The following TBCA variants were observed in gnomAD, a reference collection of about 807,000 sequenced individuals.
The protein encoded by TBCA is tubulin-specific chaperone A.
Under a neutral mutation model 15.8 loss-of-function variants are expected in TBCA, and 6 were observed. That is an observed-to-expected ratio of 0.38 (90% CI 0.21 to 0.75). The LOEUF (loss-of-function observed/expected upper bound fraction) is 0.75. Ranked by LOEUF, TBCA falls within the 30% of genes least tolerant of loss-of-function variation. The pLI is 0.46. For missense variants in TBCA, 90 were observed against 131.2 expected (o/e 0.69, Z 1.53); for synonymous variants, 32 against 42.3 (o/e 0.76, Z 0.94).
intron 1 of TBCA, among the ~76,000 whole-genome samples, chr5:77,747,237 C>A (rs1350778938): frequency 6.6e-6 from 1 of 151,944 alleles, no homozygotes; most frequent in Non-Finnish European, 1.5e-5. Context: ...TGGGAAAATT[C>A]TGGTCTTACT....
At chr5:77,731,761 G>A (rs985836653) in intron 1 of TBCA, among the ~76,000 whole-genome samples, 13 of 151,346 alleles carry the variant, frequency 8.6e-5, no homozygotes, top group Admixed American at 5.3e-4. Context: ...CTATATAATC[G>A]CCTATCAATC....
intron 1 of TBCA, among the ~76,000 whole-genome samples, chr5:77,717,086 A>T (rs979650184): frequency 6.6e-6 from 1 of 152,206 alleles, no homozygotes; most frequent in Non-Finnish European, 1.5e-5. Flanking sequence ...ATCATGAGGA[A>T]ATCCTGCCTA....
chr5:77,753,368 C>G (rs1473553925), intron 1 of TBCA, among the ~76,000 whole-genome samples: 1 of 152,232 alleles, frequency 6.6e-6, no homozygotes, highest in Non-Finnish European at 1.5e-5. Flanking sequence ...GTATCACTTT[C>G]TCCTGACACA....
chr5:77,748,703 A>G (rs546261321), intron 1 of TBCA, among the ~76,000 whole-genome samples: 2 of 152,236 alleles, frequency 1.3e-5, no homozygotes, highest in East Asian at 3.9e-4. Context: ...GACCCTCCTA[A>G]TGTTTGAAAA....
intron 3 of TBCA, chr5:77,692,155 T>C: frequency 6.1e-6 from 6 of 984,686 alleles, no homozygotes; most frequent in Non-Finnish European, 6.0e-6. Flanking sequence ...ACAGGAAATT[T>C]TGTTTGATTT....
chr5:77,740,823 G>GT (rs1747014491), intron 1 of TBCA, among the ~76,000 whole-genome samples: 1 of 92,130 alleles, frequency 1.1e-5, no homozygotes, highest in African/African-American at 2.9e-5. Context: ...AAACATTTAA[G>GT]TAAGGGTAAG....
At chr5:77,753,133 A>G (rs550580921) in intron 1 of TBCA, among the ~76,000 whole-genome samples, 2 of 151,238 alleles carry the variant, frequency 1.3e-5, no homozygotes, top group East Asian at 3.9e-4. Context: ...CCAAATTCCC[A>G]GTGGGGGAGA....
At chr5:77,696,969 C>T (rs1028576073) in intron 2 of TBCA, among the ~76,000 whole-genome samples, 2 of 152,114 alleles carry the variant, frequency 1.3e-5, no homozygotes, top group African/African-American at 4.8e-5. Context: ...ATAAAGTAAA[C>T]TTCAAAGCAA....
intron 1 of TBCA, among the ~76,000 whole-genome samples, chr5:77,739,159 A>C (rs1348320748): frequency 6.6e-6 from 1 of 152,170 alleles, no homozygotes; most frequent in African/African-American, 2.4e-5. Context: ...TCTGGGTTGG[A>C]TCAAGAAAGT....
chr5:77,692,749 G>A, intron 3 of TBCA: 1 of 994,844 alleles, frequency 1.0e-6, no homozygotes. Flanking sequence ...GTATCACAAG[G>A]CATTTATACC....
chr5:77,701,834 T>C (rs529684520), intron 2 of TBCA, among the ~76,000 whole-genome samples: 5 of 151,062 alleles, frequency 3.3e-5, no homozygotes, highest in East Asian at 2.0e-4. Flanking sequence ...TATATAGATA[T>C]ATGATGGAAT....
intron 1 of TBCA, among the ~76,000 whole-genome samples, chr5:77,709,140 C>T (rs560818985): frequency 2.0e-5 from 3 of 152,090 alleles, no homozygotes; most frequent in Non-Finnish European, 2.9e-5. Context: ...ACAACAAAAT[C>T]GTTTAACAAG....
rs1280280203 is a variant in TBCA, at chr5:77,766,600, T to G, written c.53+9605A>C. On this transcript the variant is annotated intron_variant, in intron 1 of 3. Coordinates refer to ENST00000380377, the MANE Select transcript of TBCA (RefSeq NM_004607.3). ...TCTCCGCTCACTGCAAGCTCCGCCT[T>G]CCGGGTTCACGCCATTCTCCTGCCT... Among the ~76,000 whole-genome samples the G allele has an allele frequency of 3.4e-4, 14 of 40,910 alleles. 4 individuals carry two copies. The highest frequency in any genetic ancestry group is 1.3e-3 in the African/African-American group (13 of 9,712). The allele number at this position is 40,910 out of a possible 152,430, so 26.8% of individuals were successfully genotyped here.
chr5:77,691,986 G>T, intron 3 of TBCA: 1 of 986,124 alleles, frequency 1.0e-6, no homozygotes, highest in Non-Finnish European at 1.2e-6. Context: ...TTGCCTGCTT[G>T]CTAATGGGTA....
chr5:77,750,903 G>A (rs1306447958), intron 1 of TBCA, among the ~76,000 whole-genome samples: 1 of 152,060 alleles, frequency 6.6e-6, no homozygotes. Context: ...CCAGGTCATC[G>A]GTAGATTTAA....
chr5:77,773,322 G>C (rs1397460598), intron 1 of TBCA, among the ~76,000 whole-genome samples: 1 of 141,280 alleles, frequency 7.1e-6, no homozygotes, highest in Non-Finnish European at 1.5e-5. Flanking sequence ...CTAACTAGTA[G>C]TGTGACTTTA....
intron 2 of TBCA, among the ~76,000 whole-genome samples, chr5:77,699,033 C>CAAAAAAAAAAAGAAAAA (rs1745939501): frequency 1.4e-5 from 1 of 70,100 alleles, no homozygotes; most frequent in Non-Finnish European, 2.4e-5. Context: ...GCAAGAGCAT[C>CAAAAAAAAAAAGAAAAA]AAAAAAAAAA....
intron 1 of TBCA, among the ~76,000 whole-genome samples, chr5:77,750,376 G>T (rs769988731): frequency 3.3e-5 from 5 of 152,008 alleles, no homozygotes; most frequent in South Asian, 2.1e-4. Context: ...TATTTATCAA[G>T]ATTTCTTTTT....
intron 1 of TBCA, among the ~76,000 whole-genome samples, chr5:77,714,629 C>CA (rs1746357445): frequency 6.6e-6 from 1 of 150,748 alleles, no homozygotes; most frequent in African/African-American, 2.4e-5. Flanking sequence ...TGCAGTGGCG[C>CA]AATCTCAGCC....
Sources: gnomAD v4.1 joint callset for allele counts (sites outside exome capture counted in the v4.1 genomes callset) on GRCh38, gnomAD v4.1.1 for gene constraint, MANE v1.5 for transcripts, NCBI Gene and HGNC (gene_info 2026-07-23, HGNC 2026-07-21) for gene names.